PTPN2: variants seen among roughly 807,000 people sequenced by gnomAD.
PTPN2 encodes protein tyrosine phosphatase non-receptor type 2.
A neutral mutation model predicts 57.3 loss-of-function variants in PTPN2; 19 were observed. That is an observed-to-expected ratio of 0.33 (90% CI 0.23 to 0.49). PTPN2 has a LOEUF of 0.49. Among genes scored for constraint, PTPN2 ranks in the 20% least tolerant of loss-of-function variants. The pLI, the probability that PTPN2 is intolerant of heterozygous loss-of-function variation, is 0.99. For synonymous variants in PTPN2, 153 were observed against 164.9 expected, an observed-to-expected ratio of 0.93 and a Z score of 0.55; for missense variants, 358 against 501.1, an observed-to-expected ratio of 0.71 and a Z score of 2.73.
At chr18:12,802,220 T>G (rs925832517) in intron 7 of PTPN2, 69 bp from the exon 8 acceptor site, 1 of 1,215,732 alleles carries the variant, frequency 8.2e-7, no homozygotes, top group Non-Finnish European at 1.1e-6. Context: ...ATAAAAAAAT[T>G]TATGAATTAA....
intron 1 of PTPN2, among the ~76,000 whole-genome samples, chr18:12,877,556 G>A (rs2044530165): frequency 6.6e-6 from 1 of 152,212 alleles, no homozygotes; most frequent in Admixed American, 6.5e-5. Flanking sequence ...GGCAAGGGAA[G>A]TGTTTTAGAA....
chr18:12,826,044 T>C, intron 4 of PTPN2, 100 bp from the exon 5 acceptor site: 1 of 921,738 alleles, frequency 1.1e-6, no homozygotes, highest in Non-Finnish European at 1.6e-6. Context: ...ACATGCTATA[T>C]TTTTTCAAGT....
chr18:12,826,110 T>A (rs1023597681), intron 4 of PTPN2, among the ~76,000 whole-genome samples, 166 bp from the exon 5 acceptor site: 8 of 152,188 alleles, frequency 5.3e-5, no homozygotes, highest in South Asian at 4.1e-4. Context: ...TTAGTAAGAT[T>A]GAAATTTTAT....
At chr18:12,873,988 G>C (rs1423393389) in intron 1 of PTPN2, among the ~76,000 whole-genome samples, 18 of 150,290 alleles carry the variant, frequency 1.2e-4, no homozygotes, top group South Asian at 2.1e-4. Flanking sequence ...CCCCATCTGA[G>C]AAGGGAGGAG....
intron 2 of PTPN2, among the ~76,000 whole-genome samples, chr18:12,857,863 A>T (rs548001613): frequency 1.3e-5 from 2 of 152,248 alleles, no homozygotes; most frequent in African/African-American, 4.8e-5. Context: ...AAAAGCATTA[A>T]GAGAAACATA....
chr18:12,876,580 TA>T (rs1294714195), intron 1 of PTPN2, among the ~76,000 whole-genome samples: 1 of 152,240 alleles, frequency 6.6e-6, no homozygotes, highest in Admixed American at 6.5e-5. Context: ...CAGTAATCTA[TA>T]AACACATGTC....
intron 7 of PTPN2, among the ~76,000 whole-genome samples, chr18:12,803,036 G>A (rs1255177395): frequency 6.6e-6 from 1 of 152,144 alleles, no homozygotes; most frequent in Non-Finnish European, 1.5e-5. Context: ...ATGGTTAATG[G>A]TAACTACAGC....
intron 2 of PTPN2, among the ~76,000 whole-genome samples, chr18:12,849,966 G>A (rs1244827789): frequency 2.6e-5 from 4 of 152,056 alleles, no homozygotes; most frequent in Non-Finnish European, 5.9e-5. Flanking sequence ...TCTTTCTCCT[G>A]ATATTGTTTA....
intron 2 of PTPN2, among the ~76,000 whole-genome samples, chr18:12,837,204 G>A (rs1255667346): frequency 6.6e-6 from 1 of 152,088 alleles, no homozygotes; most frequent in Non-Finnish European, 1.5e-5. Context: ...AAAAGTAAAA[G>A]GATCATTCAG....
intron 7 of PTPN2, among the ~76,000 whole-genome samples, chr18:12,805,389 G>A (rs12967678): frequency 0.081 from 12,253 of 151,504 alleles, 664 homozygotes; most frequent in East Asian, 0.15. Context: ...CCCAGAAGGC[G>A]GAGGTAGCAG....
chr18:12,849,380 G>T (rs1314003342), intron 2 of PTPN2, among the ~76,000 whole-genome samples: 1 of 152,152 alleles, frequency 6.6e-6, no homozygotes, highest in Non-Finnish European at 1.5e-5. Context: ...CAAACATGGT[G>T]AAACCCCATC....
At chr18:12,876,296 A>AGG (rs1555681230) in intron 1 of PTPN2, among the ~76,000 whole-genome samples, 25 of 145,140 alleles carry the variant, frequency 1.7e-4, no homozygotes, top group African/African-American at 6.1e-4. Context: ...ACAACAACAA[A>AGG]AAGAAGAAGA....
rs186810696 is a variant in PTPN2 at position 12,810,466 on chromosome 18, G to A, written c.858+3737C>T. On this transcript the variant is annotated intron_variant, in intron 7 of 8. Transcript: ENST00000309660. ...TTTTTATGTTTTTAATTTTTTTAGA[G>A]ATGGGGTCTTACTCTGTTGCCCAGG... Among the ~76,000 whole-genome samples the A allele has an allele frequency of 3.7e-4, 56 of 152,196 alleles. No individual in the cohort carries two copies. The East Asian group carries it at 9.4e-3, about 26-fold the overall frequency.
intron 1 of PTPN2, among the ~76,000 whole-genome samples, chr18:12,869,602 A>G (rs1182465899): frequency 6.6e-6 from 1 of 152,232 alleles, no homozygotes; most frequent in Non-Finnish European, 1.5e-5. Flanking sequence ...TGTATGGCAT[A>G]CAGAAAACAT....
intron 2 of PTPN2, among the ~76,000 whole-genome samples, chr18:12,854,371 AAAAAG>A (rs1483238838): frequency 3.3e-5 from 5 of 151,218 alleles, no homozygotes; most frequent in Non-Finnish European, 5.9e-5. Flanking sequence ...AAAAAAAAAA[AAAAAG>A]AAAAAAGAAA....
At chr18:12,833,714 C>T (rs1013998572) in intron 3 of PTPN2, among the ~76,000 whole-genome samples, 2 of 151,998 alleles carry the variant, frequency 1.3e-5, no homozygotes, top group African/African-American at 2.4e-5. Context: ...CAAGGGGAGA[C>T]CTTAAAAAGC....
intron 7 of PTPN2, among the ~76,000 whole-genome samples, chr18:12,806,596 T>A (rs192050582): frequency 1.3e-5 from 2 of 152,026 alleles, no homozygotes; most frequent in Admixed American, 6.6e-5. Flanking sequence ...TAAGAACAGG[T>A]ATAAAGACCA....
intron 1 of PTPN2, among the ~76,000 whole-genome samples, chr18:12,878,062 C>G (rs1025767202): frequency 6.6e-6 from 1 of 151,648 alleles, no homozygotes; most frequent in African/African-American, 2.4e-5. Context: ...AATGGCCAGG[C>G]ACAGTGGCTC....
intron 7 of PTPN2, among the ~76,000 whole-genome samples, chr18:12,813,247 GA>G (rs1201869274): frequency 6.6e-6 from 1 of 152,156 alleles, no homozygotes; most frequent in Non-Finnish European, 1.5e-5. Context: ...TTAAACATCT[GA>G]AATAACTTTT....
Sources: gnomAD v4.1 joint callset for allele counts (sites outside exome capture counted in the v4.1 genomes callset) on GRCh38, gnomAD v4.1.1 for gene constraint, MANE v1.5 for transcripts, NCBI Gene and HGNC (gene_info 2026-07-23, HGNC 2026-07-21) for gene names.